MAGI2: variants seen among roughly 807,000 people sequenced by gnomAD.
MAGI2 encodes the protein membrane associated guanylate kinase, WW and PDZ domain containing 2.
In MAGI2, 35 loss-of-function variants were observed where a neutral mutation model predicts 133.3. The observed-to-expected ratio is 0.26, with a 90% CI of 0.20 to 0.35. The LOEUF is 0.35. MAGI2 is among the 10% of genes least tolerant of loss of function. The pLI is 1.00. For missense variants in MAGI2, 1,636 were observed against 1,863.4 expected, an observed-to-expected ratio of 0.88 and a Z score of 2.25; for synonymous variants, 729 against 710.6, an observed-to-expected ratio of 1.03 and a Z score of -0.41.
intron 15 of MAGI2, among the ~76,000 whole-genome samples, chr7:78,162,881 T>G (rs975663693): frequency 2.6e-5 from 4 of 152,226 alleles, no homozygotes; most frequent in Admixed American, 1.3e-4. Context: ...ATTTTTCTAC[T>G]CATCTGGCTC....
chr7:78,853,015 A>G (rs550427100), intron 2 of MAGI2, among the ~76,000 whole-genome samples: 3 of 152,066 alleles, frequency 2.0e-5, no homozygotes, highest in South Asian at 4.1e-4. Context: ...TGTCAGCCAC[A>G]TATTAGTGTC....
At chr7:78,424,433 A>G (rs911875508) in intron 6 of MAGI2, among the ~76,000 whole-genome samples, 5 of 152,132 alleles carry the variant, frequency 3.3e-5, no homozygotes, top group African/African-American at 1.2e-4. Context: ...GGCAATGCAG[A>G]AGGGAAATAT....
chr7:78,467,124 C>T (rs536033600), intron 6 of MAGI2, among the ~76,000 whole-genome samples: 1 of 152,152 alleles, frequency 6.6e-6, no homozygotes, highest in Non-Finnish European at 1.5e-5. Flanking sequence ...GATGCAAACC[C>T]AGGCTCATGG....
At chr7:79,043,910 A>G (rs1028132201) in intron 1 of MAGI2, among the ~76,000 whole-genome samples, 1 of 152,170 alleles carries the variant, frequency 6.6e-6, no homozygotes, top group African/African-American at 2.4e-5. Flanking sequence ...ATACCATTAG[A>G]GTTGTGAAAT....
intron 3 of MAGI2, among the ~76,000 whole-genome samples, chr7:78,535,664 C>T (rs960518923): frequency 6.6e-6 from 1 of 152,098 alleles, no homozygotes; most frequent in Non-Finnish European, 1.5e-5. Context: ...ATGAAAACAG[C>T]CCTTTCCCAA....
chr7:78,429,139 C>T (rs1288339787), intron 6 of MAGI2, among the ~76,000 whole-genome samples: 2 of 152,020 alleles, frequency 1.3e-5, no homozygotes, highest in African/African-American at 4.8e-5. Flanking sequence ...CATTCTGTTT[C>T]AAAACATAAA....
intron 2 of MAGI2, among the ~76,000 whole-genome samples, chr7:78,993,135 A>G (rs1011165964): frequency 1.6e-4 from 24 of 152,212 alleles, no homozygotes; most frequent in African/African-American, 5.5e-4. Context: ...TACAGAATAC[A>G]CTGATAATGC....
chr7:78,432,853 A>G (rs12234415), intron 6 of MAGI2, among the ~76,000 whole-genome samples: 11,781 of 152,142 alleles, frequency 0.077, 599 homozygotes, highest in Non-Finnish European at 0.11. Context: ...ACTCATTTTC[A>G]TTATTAATGC....
intron 2 of MAGI2, among the ~76,000 whole-genome samples, chr7:78,982,540 G>C (rs1259081663): frequency 1.3e-5 from 2 of 151,762 alleles, no homozygotes; most frequent in East Asian, 3.9e-4. Context: ...ACAGGTCACA[G>C]TGAACCTTGA....
At chr7:79,439,111 A>ATCT (rs1848333936) in intron 1 of MAGI2, among the ~76,000 whole-genome samples, 1 of 151,988 alleles carries the variant, frequency 6.6e-6, no homozygotes, top group African/African-American at 2.4e-5. Context: ...CAGGCAGATC[A>ATCT]TCTTTTCCCT....
intron 10 of MAGI2, among the ~76,000 whole-genome samples, chr7:78,234,909 C>T (rs895074746): frequency 2.0e-5 from 3 of 152,064 alleles, no homozygotes; most frequent in Admixed American, 6.6e-5. Flanking sequence ...TTTGACATGA[C>T]AAGCATAATT....
intron 1 of MAGI2, among the ~76,000 whole-genome samples, chr7:79,435,481 C>G (rs1848071829): frequency 6.6e-6 from 1 of 152,078 alleles, no homozygotes; most frequent in Admixed American, 6.6e-5. Context: ...TTTTATATAT[C>G]AATTCTGCAT....
At chr7:78,375,425 T>C (rs1794349052) in intron 6 of MAGI2, among the ~76,000 whole-genome samples, 1 of 152,092 alleles carries the variant, frequency 6.6e-6, no homozygotes, top group Non-Finnish European at 1.5e-5. Flanking sequence ...TGGAGGTCTA[T>C]TCTGGTGGGA....
chr7:79,119,093 A>G (rs530619471), intron 1 of MAGI2, among the ~76,000 whole-genome samples: 1 of 152,260 alleles, frequency 6.6e-6, no homozygotes, highest in South Asian at 2.1e-4. Context: ...ACATAAATAT[A>G]TAGATTCACT....
intron 1 of MAGI2, among the ~76,000 whole-genome samples, chr7:79,179,687 T>C (rs867294575): frequency 2.0e-5 from 3 of 151,988 alleles, no homozygotes; most frequent in Admixed American, 6.6e-5. Flanking sequence ...GGATACCTTG[T>C]TCAATAAACA....
At chr7:78,715,117 T>G (rs1451034854) in intron 2 of MAGI2, among the ~76,000 whole-genome samples, 1 of 152,202 alleles carries the variant, frequency 6.6e-6, no homozygotes, top group African/African-American at 2.4e-5. Context: ...AAATGGGAAT[T>G]GATTTGCTTG....
chr7:78,589,717 T>C (rs905070159), intron 3 of MAGI2, among the ~76,000 whole-genome samples: 8 of 152,176 alleles, frequency 5.3e-5, no homozygotes, highest in Admixed American at 6.5e-5. Flanking sequence ...CACGTAGCCA[T>C]GGTAGAAAGG....
At chr7:79,198,662 G>T (rs1302757949) in intron 1 of MAGI2, among the ~76,000 whole-genome samples, 1 of 151,994 alleles carries the variant, frequency 6.6e-6, no homozygotes, top group Non-Finnish European at 1.5e-5. Flanking sequence ...GGCCGAAGAG[G>T]GAGGATCACC....
At chr7:79,371,463 G>T (rs1843043643) in intron 1 of MAGI2, among the ~76,000 whole-genome samples, 1 of 151,888 alleles carries the variant, frequency 6.6e-6, no homozygotes, top group Non-Finnish European at 1.5e-5. Context: ...GGTCTTATAA[G>T]ATTAAATTAT....
Sources: gnomAD v4.1 joint callset for allele counts (sites outside exome capture counted in the v4.1 genomes callset) on GRCh38, gnomAD v4.1.1 for gene constraint, MANE v1.5 for transcripts, NCBI Gene and HGNC (gene_info 2026-07-23, HGNC 2026-07-21) for gene names.